Variants in GREM2 observed in about 807,000 individuals in gnomAD.
The protein encoded by GREM2 is gremlin-2.
A neutral mutation model predicts 14.2 loss-of-function variants in GREM2; 11 were observed. That is an observed-to-expected ratio of 0.78 (90% confidence interval 0.49 to 1.28). The LOEUF is 1.28. Ranked by LOEUF, GREM2 falls within the 50% of genes most tolerant of loss-of-function variation. The pLI, the probability that GREM2 is intolerant of heterozygous loss-of-function variation, is 0.00. For missense variants in GREM2, 210 were observed against 218.5 expected (o/e 0.96, Z 0.24); for synonymous variants, 98 against 97.6 (o/e 1.00, Z -0.02).
Position 240,522,842 on chromosome 1 carries a change from G to T in GREM2, c.-1-29366C>A, listed in dbSNP as rs549897151. On this transcript the variant is annotated intron_variant, in intron 1 of 1. Transcript: ENST00000318160. ...GAGCTTTATTTACAAAGAACAAGAG[G>T]CCACGAAGGAAGAAAAATCACAGGT... Among the ~76,000 whole-genome samples, 3 of 152,186 alleles carry T rather than the reference G, an allele frequency of 2.0e-5. No individual in the cohort carries two copies. The South Asian group carries it at 6.2e-4, about 32-fold the overall frequency.
intron 1 of GREM2, among the ~76,000 whole-genome samples, chr1:240,570,911 C>T (rs1679248069): frequency 6.6e-6 from 1 of 152,192 alleles, no homozygotes; most frequent in South Asian, 2.1e-4. Context: ...CTGGAATGGA[C>T]AGAGACTGAC....
chr1:240,517,138 G>A (rs552625471), intron 1 of GREM2, among the ~76,000 whole-genome samples: 54 of 152,192 alleles, frequency 3.5e-4, no homozygotes, highest in African/African-American at 1.3e-3. Context: ...AAACCATGAA[G>A]TCCCATTTTC....
chr1:240,612,028 C>G lies in GREM2; in HGVS notation c.-146G>C, dbSNP rs1384882069. The G allele has an allele frequency of 6.5e-6, 1 of 152,806 alleles. No homozygotes were observed. The highest frequency in any genetic ancestry group is 2.4e-5 in the African/African-American group (1 of 41,470). 9.5% of individuals were successfully genotyped at this position (152,806 alleles called of 1,614,324 possible). Reference sequence around the variant, plus strand: ...CGCTTTCAGTTCGACCGCAGCCAGACTGCAGCAGACGCCCATAAGAGAAGC... The same window carrying G: ...CGCTTTCAGTTCGACCGCAGCCAGAGTGCAGCAGACGCCCATAAGAGAAGC... On this transcript the variant is annotated 5_prime_UTR_variant, in exon 1 of 2. Transcript: ENST00000318160.
intron 1 of GREM2, among the ~76,000 whole-genome samples, chr1:240,585,447 T>A (rs924957298): frequency 1.3e-5 from 2 of 151,974 alleles, no homozygotes; most frequent in South Asian, 4.2e-4. Context: ...AATAAAGTTC[T>A]GACTGGGCAC....
At chr1:240,537,026 A>T (rs1297780592) in intron 1 of GREM2, among the ~76,000 whole-genome samples, 2 of 152,224 alleles carry the variant, frequency 1.3e-5, no homozygotes, top group Non-Finnish European at 2.9e-5. Context: ...CCTAAGACTT[A>T]GATACATTAG....
intron 1 of GREM2, among the ~76,000 whole-genome samples, chr1:240,501,275 G>GCATC (rs767226324): frequency 3.2e-4 from 48 of 152,296 alleles, no homozygotes; most frequent in Admixed American, 9.2e-4. Context: ...AAAGATCAGG[G>GCATC]CATCCCACAT....
intron 1 of GREM2, among the ~76,000 whole-genome samples, chr1:240,557,389 CA>C (rs1354339936): frequency 6.6e-6 from 1 of 151,830 alleles, no homozygotes; most frequent in Admixed American, 6.6e-5. Flanking sequence ...GTAGTGTGGT[CA>C]AGGAGAAGAA....
chr1:240,597,345 GA>G (rs1290066005), intron 1 of GREM2, among the ~76,000 whole-genome samples: 1 of 152,178 alleles, frequency 6.6e-6, no homozygotes, highest in East Asian at 1.9e-4. Context: ...GAGCTAGGAA[GA>G]AACTTTCACA....
At chr1:240,510,976 CATT>C (rs1295620097) in intron 1 of GREM2, among the ~76,000 whole-genome samples, 6 of 152,304 alleles carry the variant, frequency 3.9e-5, no homozygotes, top group East Asian at 1.9e-4. Flanking sequence ...ATTTAGAAAA[CATT>C]AATGACAACT....
chr1:240,609,235 T>C (rs889062705), intron 1 of GREM2, among the ~76,000 whole-genome samples: 17 of 152,180 alleles, frequency 1.1e-4, no homozygotes, highest in African/African-American at 4.1e-4. Flanking sequence ...CATGTGGCTC[T>C]GGGACTCTGT....
chr1:240,570,542 C>CA (rs1204991071), intron 1 of GREM2, among the ~76,000 whole-genome samples: 2 of 152,106 alleles, frequency 1.3e-5, no homozygotes, highest in African/African-American at 4.8e-5. Flanking sequence ...AGGAAACTAG[C>CA]AAAAAACCAG....
At chr1:240,537,079 C>T (rs1678489718) in intron 1 of GREM2, among the ~76,000 whole-genome samples, 1 of 152,186 alleles carries the variant, frequency 6.6e-6, no homozygotes, top group Non-Finnish European at 1.5e-5. Flanking sequence ...AAATTAAATA[C>T]AGATTTTTTT....
At chr1:240,605,400 G>A (rs188558273) in intron 1 of GREM2, among the ~76,000 whole-genome samples, 26 of 152,176 alleles carry the variant, frequency 1.7e-4, no homozygotes, top group Non-Finnish European at 3.2e-4. Context: ...TCACTTGAAC[G>A]TGAGAGGTTG....
intron 1 of GREM2, among the ~76,000 whole-genome samples, chr1:240,592,336 A>G (rs974770218): frequency 6.6e-6 from 1 of 152,186 alleles, no homozygotes; most frequent in Non-Finnish European, 1.5e-5. Flanking sequence ...ACAACGAGAT[A>G]CCATCATAAC....
At chr1:240,527,299 C>G (rs1678246827) in intron 1 of GREM2, among the ~76,000 whole-genome samples, 1 of 152,134 alleles carries the variant, frequency 6.6e-6, no homozygotes, top group Non-Finnish European at 1.5e-5. Flanking sequence ...GTATTTGTAA[C>G]TTGAAACTAT....
intron 1 of GREM2, among the ~76,000 whole-genome samples, chr1:240,600,923 A>G (rs1041586346): frequency 2.0e-5 from 3 of 152,202 alleles, no homozygotes; most frequent in African/African-American, 4.8e-5. Context: ...GGTTTTGTTT[A>G]GAGTGCTTGA....
chr1:240,507,171 G>A (rs1374562757), intron 1 of GREM2, among the ~76,000 whole-genome samples: 2 of 152,178 alleles, frequency 1.3e-5, no homozygotes, highest in Non-Finnish European at 2.9e-5. Flanking sequence ...GCTCTGTGTG[G>A]GTAATAAGAT....
chr1:240,509,430 A>G (rs1245434030), intron 1 of GREM2, among the ~76,000 whole-genome samples: 11 of 141,898 alleles, frequency 7.8e-5, no homozygotes, highest in Non-Finnish European at 1.5e-4. Context: ...GTGCAATGGC[A>G]CGATCTTGGC....
intron 1 of GREM2, among the ~76,000 whole-genome samples, chr1:240,593,562 A>G (rs1679754358): frequency 6.6e-6 from 1 of 152,200 alleles, no homozygotes; most frequent in South Asian, 2.1e-4. Context: ...AACAAAAGGT[A>G]ATCAGCAACG....
Sources: allele counts gnomAD v4.1 joint callset (sites outside exome capture counted in the v4.1 genomes callset), GRCh38; gene constraint gnomAD v4.1.1; transcripts MANE v1.5; gene names NCBI Gene and HGNC (gene_info 2026-07-23, HGNC 2026-07-21).